Variants in HM13 observed in about 807,000 individuals in gnomAD.
The protein encoded by HM13 is histocompatibility minor 13.
Under a neutral mutation model 50.0 loss-of-function variants are expected in HM13, and 18 were observed. That is an observed-to-expected ratio of 0.36 (90% CI 0.25 to 0.53). The LOEUF is 0.53. Among genes scored for constraint, HM13 ranks in the 20% least tolerant of loss-of-function variants. The pLI is 0.90. For missense variants in HM13, 393 were observed against 552.4 expected (o/e 0.71, Z 2.89); for synonymous variants, 197 against 232.6 (o/e 0.85, Z 1.39).
rs550645220 is a variant in HM13 at position 31,519,028 on chromosome 20, G to T, written c.183+4294G>T. On this transcript the variant is annotated intron_variant, in intron 1 of 12. Transcript: ENST00000398174. ...CCTCCTCAGAGGCAGCCCCTCTCCTGTGTTTCTTAGATATCCATCCAGAAA... is the reference window on the plus strand; with the variant it reads ...CCTCCTCAGAGGCAGCCCCTCTCCTTTGTTTCTTAGATATCCATCCAGAAA... 3.9e-5 allele frequency among the ~76,000 whole-genome samples: 6 copies of T among 152,186 alleles called. No homozygotes were observed. In the South Asian group the frequency reaches 8.3e-4, roughly 21 times the overall value.
chr20:31,561,869 A>T, intron 10 of HM13, 133 bp downstream of exon 10: 2 of 692,596 alleles, frequency 2.9e-6, no homozygotes, highest in Admixed American at 4.1e-5. Flanking sequence ...CATGTCTGTG[A>T]TTCTCTTGGC....
chr20:31,537,544 T>C (rs1234626714), intron 2 of HM13, among the ~76,000 whole-genome samples: 2 of 152,240 alleles, frequency 1.3e-5, no homozygotes. Context: ...TGGTGTACCA[T>C]GGCATAGCCT....
intron 8 of HM13, among the ~76,000 whole-genome samples, chr20:31,557,292 G>A (rs930137830): frequency 3.3e-5 from 5 of 152,152 alleles, no homozygotes; most frequent in Non-Finnish European, 7.4e-5. Flanking sequence ...TTAAGGGCAC[G>A]GTCTGTCATT....
intron 3 of HM13, among the ~76,000 whole-genome samples, chr20:31,544,502 G>A (rs1307348322): frequency 6.6e-6 from 1 of 152,194 alleles, no homozygotes; most frequent in Non-Finnish European, 1.5e-5. Flanking sequence ...GTCAAGTCAT[G>A]GAGTGGGGTG....
intron 2 of HM13, among the ~76,000 whole-genome samples, chr20:31,533,518 A>G (rs1268780530): frequency 6.6e-6 from 1 of 152,188 alleles, no homozygotes; most frequent in Non-Finnish European, 1.5e-5. Context: ...AAAAACAACA[A>G]CAAAAAAACT....
At chr20:31,527,437 T>C (rs763829217) in intron 1 of HM13, 47 bp from the exon 2 acceptor site, 2 of 1,350,636 alleles carry the variant, frequency 1.5e-6, no homozygotes, top group Admixed American at 3.4e-5. Context: ...TGCAGGAACA[T>C]ATGGGAACCA....
chr20:31,518,383 G>A (rs1981934652), intron 1 of HM13, among the ~76,000 whole-genome samples: 1 of 147,654 alleles, frequency 6.8e-6, no homozygotes, highest in Non-Finnish European at 1.5e-5. Flanking sequence ...AGTGGCTCAT[G>A]CCTGTAATCC....
In HM13 at chr20:31,546,039, T is replaced by C. The variant is rs368223444; in HGVS notation, c.454+1004T>C. Among the ~76,000 whole-genome samples the C allele has an allele frequency of 6.8e-4, 99 of 145,294 alleles. 1 individual carries two copies. Among genetic ancestry groups the C allele is most frequent in the African/African-American group, 2.3e-3 (87 of 38,260 alleles). On this transcript the variant is annotated intron_variant, in intron 4 of 12. Coordinates refer to ENST00000398174, the MANE Select transcript of HM13 (RefSeq NM_178581.3). ...TATACAATACTGAGCATGTGAAATC[T>C]AGCACTTTTTTTTTTTTTTTTTTTT... is the stretch of plus-strand genomic sequence containing the variant.
At chr20:31,549,372 G>A (rs749319575) in intron 6 of HM13, 40 bp downstream of exon 6, 2 of 1,612,732 alleles carry the variant, frequency 1.2e-6, no homozygotes, top group Non-Finnish European at 1.7e-6. Context: ...TGGCTCCGGG[G>A]CCATCTCATC....
rs563713097 is a variant in HM13 at position 31,536,188 on chromosome 20, AC to A, written c.283-1987del. 5.3e-3 allele frequency among the ~76,000 whole-genome samples: 807 copies of A among 152,198 alleles called. 4 individuals are homozygous for A. The highest frequency in any genetic ancestry group is 0.019 in the African/African-American group (772 of 41,510). On this transcript the variant is annotated intron_variant, in intron 2 of 12. Transcript: ENST00000398174. ...AGACCAGCCTGACCAACATGGTGAA[AC>A]CCCATCTCTACTAAAAATACAAAAT...
intron 7 of HM13, among the ~76,000 whole-genome samples, chr20:31,553,848 CA>C (rs1984157548): frequency 6.6e-6 from 1 of 152,074 alleles, no homozygotes; most frequent in Non-Finnish European, 1.5e-5. Context: ...AGCCCGGGCT[CA>C]CCCTGCTTCA....
intron 1 of HM13, among the ~76,000 whole-genome samples, chr20:31,521,082 G>T (rs1337306921): frequency 6.6e-6 from 1 of 152,130 alleles, no homozygotes; most frequent in Non-Finnish European, 1.5e-5. Flanking sequence ...AGGATCTATT[G>T]TATTTACATA....
chr20:31,538,392 CT>C, intron 3 of HM13, 131 bp downstream of exon 3: 4 of 1,552,198 alleles, frequency 2.6e-6, no homozygotes, highest in Non-Finnish European at 3.5e-6. Flanking sequence ...TCAAGGGACT[CT>C]TTCCCCTGCA....
In HM13 at chr20:31,556,933, G is replaced by A. The variant is rs1600663112; in HGVS notation, c.808+2104G>A. On this transcript the variant is annotated intron_variant, in intron 8 of 12. Coordinates refer to ENST00000398174, the MANE Select transcript of HM13 (RefSeq NM_178581.3). ...ACTCGGGAGGCTGAGGCAGGAGAAT[G>A]GCATGAACCCGGGAGGTGGAGCTTG... Among the ~76,000 whole-genome samples the A allele has an allele frequency of 2.6e-5, 4 of 151,268 alleles. No homozygotes were observed. In the South Asian group the frequency reaches 8.4e-4, roughly 32 times the overall value.
At position 31,569,297 on chromosome 20, in the gene HM13, G is replaced by A; in HGVS notation, c.*78G>A. 2 of 984,662 alleles carry A rather than the reference G, an allele frequency of 2.0e-6. No individual in the cohort carries two copies. Among genetic ancestry groups the A allele is most frequent in the Non-Finnish European group, 3.1e-6 (2 of 643,516 alleles). The allele number at this position is 984,662 out of a possible 1,614,324, so 61.0% of individuals were successfully genotyped here. ...CCCACACAGGCGTGCACCGGTAGAG[G>A]GCACAGGAGGCCAAGGGCAGCTCCA... is the stretch of plus-strand genomic sequence containing the variant. On this transcript the variant is annotated 3_prime_UTR_variant, in exon 13 of 13. Coordinates refer to ENST00000398174, the MANE Select transcript of HM13 (RefSeq NM_178581.3).
At chr20:31,538,442 G>A (rs1469838988) in intron 3 of HM13, 181 bp downstream of exon 3, 5 of 1,435,722 alleles carry the variant, frequency 3.5e-6, no homozygotes, top group Non-Finnish European at 4.6e-6. Context: ...GACCTCTCTG[G>A]GCCACAGTTT....
At chr20:31,548,968 C>T (rs1306141796) in intron 4 of HM13, 61 bp from the exon 5 acceptor site, 2 of 1,424,880 alleles carry the variant, frequency 1.4e-6, no homozygotes. Context: ...CGTCCAGGGG[C>T]TGACAGGTGG....
In HM13 at chr20:31,566,248, T is replaced by G. The variant is rs773485726; in HGVS notation, c.987T>G (p.Phe329Leu). The change falls in exon 11 of 13, where the codon TTT (phenylalanine) becomes TTG (leucine). Residue 329 changes from phenylalanine (F) to leucine (L), a missense_variant. Transcript: ENST00000398174. ...ACCTGGTCCCCGCCTGCATCGGTTTTCCTGTCCTGGTGGCGCTGGCCAAGG... is the reference window on the plus strand; with the variant it reads ...ACCTGGTCCCCGCCTGCATCGGTTTGCCTGTCCTGGTGGCGCTGGCCAAGG... ...LLYLVPACIG[F>L]PVLVALAKGE... The G allele has an allele frequency of 3.1e-6, 5 of 1,614,042 alleles. No individual in the cohort carries two copies. In the East Asian group the frequency reaches 8.9e-5, roughly 29 times the overall value.
chr20:31,538,226 C>T lies in HM13; in HGVS notation c.330C>T (p.Phe110=), dbSNP rs753154758. ...YINLLLSMYF[F]VLGILALSHT... is the part of the protein sequence containing the mutation. Reference sequence around the variant, plus strand: ...ACCTCCTGCTGTCCATGTATTTCTTCGTGCTGGGAATCCTGGCCCTGTCCC... The same window carrying T: ...ACCTCCTGCTGTCCATGTATTTCTTTGTGCTGGGAATCCTGGCCCTGTCCC... Residue 110 remains phenylalanine (F), a synonymous_variant, in exon 3 of 13, where the codon TTC becomes TTT. Transcript: ENST00000398174. 1.9e-6 allele frequency: 3 copies of T among 1,613,832 alleles called. No individual in the cohort carries two copies. The highest frequency in any genetic ancestry group is 1.3e-5 in the African/African-American group (1 of 74,910).
Sources: gnomAD v4.1 joint callset for allele counts (sites outside exome capture counted in the v4.1 genomes callset) on GRCh38, gnomAD v4.1.1 for gene constraint, MANE v1.5 for transcripts, NCBI Gene and HGNC (gene_info 2026-07-23, HGNC 2026-07-21) for gene names.